CDH23: variants seen among roughly 807,000 people sequenced by gnomAD.
CDH23 encodes cadherin related 23.
Under a neutral mutation model 317.1 loss-of-function variants are expected in CDH23, and 189 were observed. The ratio of observed to expected loss-of-function variants is 0.60; its 90% CI spans 0.53 to 0.67. The LOEUF is 0.67. Among genes scored for constraint, CDH23 ranks in the 30% least tolerant of loss-of-function variants. CDH23 has a pLI of 0.00. For missense variants in CDH23, 4,401 were observed against 4,592.4 expected, an observed-to-expected ratio of 0.96 and a Z score of 1.20; for synonymous variants, 1,839 against 1,876.8, an observed-to-expected ratio of 0.98 and a Z score of 0.52.
In CDH23 at chr10:71,425,728, T is replaced by A. The variant is rs369031477; in HGVS notation, c.-5-14099T>A. On this transcript the variant is annotated intron_variant, in intron 1 of 69. Coordinates refer to ENST00000224721, the MANE Select transcript of CDH23 (RefSeq NM_022124.6). ...CAGACTCTGTTGCTGACTCCCTGGC[T>A]GATCCTCAGGGTCAAGTTGATCCTC... Among the ~76,000 whole-genome samples, 7 of 152,268 alleles carry A rather than the reference T, an allele frequency of 4.6e-5. No individual in the cohort carries two copies. In the East Asian group the frequency reaches 7.7e-4, roughly 17 times the overall value.
At chr10:71,531,354 A>G (rs959941452) in intron 6 of CDH23, among the ~76,000 whole-genome samples, 1 of 152,176 alleles carries the variant, frequency 6.6e-6, no homozygotes, top group East Asian at 1.9e-4. Flanking sequence ...TCCCTGCATA[A>G]GGTCATAAGC....
chr10:71,598,886 T>A (rs908322872), intron 9 of CDH23, among the ~76,000 whole-genome samples: 2 of 152,254 alleles, frequency 1.3e-5, no homozygotes, highest in Admixed American at 1.3e-4. Flanking sequence ...TCTGAACGCC[T>A]ACTTGGTGTG....
At chr10:71,646,958 A>G (rs1199709194) in intron 14 of CDH23, 2 of 985,090 alleles carry the variant, frequency 2.0e-6, no homozygotes, top group African/African-American at 3.5e-5. Context: ...CATCCTTGAG[A>G]AGGGCAACCC....
chr10:71,425,232 G>GGAGAGAGAGAGAGA (rs748338206), intron 1 of CDH23, among the ~76,000 whole-genome samples: 11 of 73,962 alleles, frequency 1.5e-4, no homozygotes, highest in African/African-American at 5.1e-4. Context: ...AGAGAGAGAG[G>GGAGAGAGAGAGAGA]GAGAGAGAGA....
chr10:71,751,708 CA>C lies in CDH23; in HGVS notation c.4845+9788del, dbSNP rs765834365. 7 of 1,567,486 alleles carry C rather than the reference CA, an allele frequency of 4.5e-6. No homozygotes were observed. The stretch of plus-strand genomic sequence containing the variant: ...AGACGTCTCCGGGGCCTGGAGGAGA[CA>C]GGGGGGTGCTGGGCTCCGAAAGCAG... On this transcript the variant is annotated intron_variant, in intron 38 of 69. Coordinates refer to ENST00000224721, the MANE Select transcript of CDH23 (RefSeq NM_022124.6). This position sits in a 1 kb window ranked among gnomAD's most constrained non-coding sequence, Gnocchi z 4.9.
intron 20 of CDH23, 43 bp from the exon 21 acceptor site, chr10:71,694,104 G>T: frequency 6.7e-7 from 1 of 1,487,320 alleles, no homozygotes. Context: ...TCTCTCCCTG[G>T]CCCACCCAAA....
intron 9 of CDH23, among the ~76,000 whole-genome samples, chr10:71,592,275 G>A (rs1859545897): frequency 6.6e-6 from 1 of 152,168 alleles, no homozygotes; most frequent in Non-Finnish European, 1.5e-5. Context: ...CAGGAACTAG[G>A]AACGAAGCTT....
intron 3 of CDH23, among the ~76,000 whole-genome samples, chr10:71,462,632 A>G (rs1447771056): frequency 7.2e-5 from 11 of 152,226 alleles, no homozygotes; most frequent in Non-Finnish European, 1.2e-4. Flanking sequence ...CAGCTCTCTT[A>G]TCTGTCAGAT....
At chr10:71,756,402 A>T (rs190528070) in intron 38 of CDH23, among the ~76,000 whole-genome samples, 2 of 152,348 alleles carry the variant, frequency 1.3e-5, no homozygotes, top group Non-Finnish European at 2.9e-5. Context: ...TTATTGAAGC[A>T]GTCCCCTGTT....
chr10:71,780,915 T>C (rs1302563812), intron 41 of CDH23, among the ~76,000 whole-genome samples: 2 of 152,074 alleles, frequency 1.3e-5, no homozygotes, highest in Non-Finnish European at 2.9e-5. Context: ...CAGTAGGATG[T>C]GCTAACTGAT....
chr10:71,622,745 G>C (rs987097519), intron 11 of CDH23, among the ~76,000 whole-genome samples: 2 of 152,146 alleles, frequency 1.3e-5, no homozygotes, highest in African/African-American at 4.8e-5. Flanking sequence ...ACTTTCCTCT[G>C]CCTCACTCCT....
At chr10:71,638,958 G>A (rs775163165) in intron 11 of CDH23, among the ~76,000 whole-genome samples, 2 of 152,190 alleles carry the variant, frequency 1.3e-5, no homozygotes, top group African/African-American at 2.4e-5. Context: ...CTGCCCTCGT[G>A]GGGGTGGGAA....
At chr10:71,772,851 A>C (rs1840718605) in intron 38 of CDH23, among the ~76,000 whole-genome samples, 1 of 152,158 alleles carries the variant, frequency 6.6e-6, no homozygotes. Context: ...CACCGTGACC[A>C]GTGCCCAGTG....
At chr10:71,783,338 C>A (rs575239561) in intron 41 of CDH23, among the ~76,000 whole-genome samples, 3 of 152,218 alleles carry the variant, frequency 2.0e-5, no homozygotes, top group Non-Finnish European at 4.4e-5. Flanking sequence ...GTTCTCACCC[C>A]GCCCCGGTCA....
intron 3 of CDH23, among the ~76,000 whole-genome samples, chr10:71,455,562 T>C (rs7903717): frequency 0.71 from 108,193 of 152,048 alleles, 38,837 homozygotes; most frequent in East Asian, 0.81. Context: ...GTTCCAGGTA[T>C]TGTGCATGCG....
At chr10:71,478,668 ATGCCTCCCC>A (rs1851914280) in intron 3 of CDH23, among the ~76,000 whole-genome samples, 1 of 151,940 alleles carries the variant, frequency 6.6e-6, no homozygotes, top group Non-Finnish European at 1.5e-5. Context: ...TCTGGATCCC[ATGCCTCCCC>A]TGCCCCCTCC....
Position 71,702,206 on chromosome 10 carries a change from C to G in CDH23, c.2582C>G (p.Thr861Ser). 6.2e-7 allele frequency: 1 copy of G among 1,613,674 alleles called. No individual in the cohort carries two copies. The highest frequency in any genetic ancestry group is 2.2e-5 in the East Asian group (1 of 44,880). Residue 861 changes from threonine (T) to serine (S), a missense_variant, in exon 23 of 70, where the codon ACT (threonine) becomes AGT (serine). Physicochemically the swap from Thr to Ser is moderately conservative, Grantham distance 58. Coordinates refer to ENST00000224721, the MANE Select transcript of CDH23 (RefSeq NM_022124.6). ...ATGCGCAAAATCGTCGTCTCTGTTA[C>G]TGACTGTATGGACCCCTCTCGCCCC... ...ELMRKIVVSV[T>S]DCGRPPLKAT... is the part of the protein sequence containing the mutation.
intron 1 of CDH23, among the ~76,000 whole-genome samples, chr10:71,420,561 G>GATGGTA (rs1848761160): frequency 7.7e-6 from 1 of 129,220 alleles, no homozygotes; most frequent in Non-Finnish European, 1.6e-5. Context: ...TGATGATGGT[G>GATGGTA]ATGATGATGA....
At chr10:71,630,998 C>T (rs1861987931) in intron 11 of CDH23, among the ~76,000 whole-genome samples, 1 of 152,204 alleles carries the variant, frequency 6.6e-6, no homozygotes, top group South Asian at 2.1e-4. Context: ...AATCCCAGCA[C>T]TTTGGGAGGC....
Sources: allele counts gnomAD v4.1 joint callset (sites outside exome capture counted in the v4.1 genomes callset), GRCh38; gene constraint gnomAD v4.1.1; non-coding constraint Gnocchi (gnomAD v3.1); transcripts MANE v1.5; gene names NCBI Gene and HGNC (gene_info 2026-07-23, HGNC 2026-07-21).